RCOR3: variants seen among roughly 807,000 people sequenced by gnomAD.
The protein encoded by RCOR3 is REST corepressor 3.
In RCOR3, 13 loss-of-function variants were observed where a neutral mutation model predicts 64.1. That is an observed-to-expected ratio of 0.20 (90% CI 0.13 to 0.32). The LOEUF is 0.32. Among genes scored for constraint, RCOR3 ranks in the 10% least tolerant of loss-of-function variants. RCOR3 has a pLI of 1.00. For missense variants in RCOR3, 489 were observed against 701.2 expected (o/e 0.70, Z 3.42); for synonymous variants, 215 against 239.0 (o/e 0.90, Z 0.93).
intron 3 of RCOR3, among the ~76,000 whole-genome samples, chr1:211,273,506 A>G (rs1374771837): frequency 6.6e-6 from 1 of 152,250 alleles, no homozygotes; most frequent in African/African-American, 2.4e-5. Flanking sequence ...AGAGTGATTG[A>G]TTATATGGAG....
chr1:211,304,057 T>G lies in RCOR3; in HGVS notation c.1018-26T>G, dbSNP rs11807875. On this transcript the variant is annotated intron_variant, in intron 9 of 11. Coordinates refer to ENST00000419091, the MANE Select transcript of RCOR3 (RefSeq NM_001136223.3). ...AAAATGTCTGTCTTCATATCCTCAT[T>G]AGGAAACTTCTCTTTAATTTTGTAG... The G allele has an allele frequency of 6.1e-4, 948 of 1,564,196 alleles. 12 individuals are homozygous for G. In the African/African-American group the frequency reaches 0.011, roughly 19 times the overall value.
intron 2 of RCOR3, chr1:211,267,993 G>A (rs1438554833): frequency 7.1e-6 from 2 of 281,042 alleles, no homozygotes; most frequent in South Asian, 2.7e-5. Flanking sequence ...TTTCTGTAAG[G>A]CAAGAATGAG....
intron 2 of RCOR3, among the ~76,000 whole-genome samples, chr1:211,270,361 A>G (rs1442283043): frequency 6.6e-6 from 1 of 152,018 alleles, no homozygotes; most frequent in African/African-American, 2.4e-5. Flanking sequence ...CCACACCCAG[A>G]CTTTTATCTT....
At chr1:211,259,962 C>A in intron 1 of RCOR3, 146 bp from the exon 2 acceptor site, 1 of 1,197,428 alleles carries the variant, frequency 8.4e-7, no homozygotes, top group Non-Finnish European at 1.1e-6. Context: ...GCTGCCATCT[C>A]CCGGAGTGCC....
intron 7 of RCOR3, among the ~76,000 whole-genome samples, chr1:211,283,279 G>A (rs1026423958): frequency 2.0e-5 from 3 of 152,222 alleles, no homozygotes; most frequent in Non-Finnish European, 4.4e-5. Flanking sequence ...GCAGGAGAAA[G>A]GGGTGACAAC....
chr1:211,291,765 C>T (rs1475981029), intron 8 of RCOR3, among the ~76,000 whole-genome samples: 1 of 152,200 alleles, frequency 6.6e-6, no homozygotes, highest in Non-Finnish European at 1.5e-5. Context: ...TATTCTCCAA[C>T]CCTTTCTAAT....
Position 211,307,142 on chromosome 1 carries a change from T to G in RCOR3, c.1075+3002T>G, listed in dbSNP as rs184190912. 3.8e-3 allele frequency among the ~76,000 whole-genome samples: 586 copies of G among 152,330 alleles called. 2 individuals are homozygous for G. Among genetic ancestry groups the G allele is most frequent in the Middle Eastern group, 6.8e-3 (2 of 294 alleles). ...TCTAACCTATAATGCTTTTAGAAGT[T>G]ATCCTAAAATCCAACTTGATATTCA... is the stretch of plus-strand genomic sequence containing the variant. On this transcript the variant is annotated intron_variant, in intron 10 of 11. Coordinates refer to ENST00000419091, the MANE Select transcript of RCOR3 (RefSeq NM_001136223.3).
chr1:211,310,358 G>A (rs1400834116), intron 10 of RCOR3, among the ~76,000 whole-genome samples: 1 of 152,176 alleles, frequency 6.6e-6, no homozygotes, highest in Non-Finnish European at 1.5e-5. Flanking sequence ...GAGAACAAAT[G>A]TGCCTAGATA....
chr1:211,286,821 T>C (rs190734970), intron 7 of RCOR3, among the ~76,000 whole-genome samples: 4 of 152,356 alleles, frequency 2.6e-5, no homozygotes, highest in Admixed American at 6.5e-5. Context: ...ATCAAACATA[T>C]AGTCCGTTTT....
intron 10 of RCOR3, among the ~76,000 whole-genome samples, chr1:211,307,100 C>CATAT (rs1700919660): frequency 6.6e-6 from 1 of 152,126 alleles, no homozygotes; most frequent in Non-Finnish European, 1.5e-5. Context: ...GTAGCTTATA[C>CATAT]ATATATACAT....
At chr1:211,272,119 T>C (rs561460259) in intron 3 of RCOR3, among the ~76,000 whole-genome samples, 1 of 152,326 alleles carries the variant, frequency 6.6e-6, no homozygotes, top group Non-Finnish European at 1.5e-5. Flanking sequence ...AATTGAAAAC[T>C]GAGTATGTTT....
In RCOR3 at chr1:211,312,997, T is replaced by TGA; in HGVS notation, c.1317+38_1317+39dup. The TGA allele has an allele frequency of 6.2e-7, 1 of 1,613,228 alleles. No individual in the cohort carries two copies. The highest frequency in any genetic ancestry group is 1.1e-5 in the South Asian group (1 of 91,042). ...GTATGGAATTTGAGCTAATATGAGT[T>TGA]GAGGAATCACCATTTTGTGTGGTAT... On this transcript the variant is annotated intron_variant, in intron 11 of 11. Coordinates refer to ENST00000419091, the MANE Select transcript of RCOR3 (RefSeq NM_001136223.3). This position sits in a 1 kb window ranked among gnomAD's most constrained non-coding sequence, Gnocchi z 5.0.
At chr1:211,267,912 G>A in intron 2 of RCOR3, 1 of 360,796 alleles carries the variant, frequency 2.8e-6, no homozygotes, top group Non-Finnish European at 5.3e-6. Context: ...TACCTTTTAT[G>A]GGGAAAAATT....
intron 7 of RCOR3, among the ~76,000 whole-genome samples, chr1:211,283,444 C>T (rs1313614911): frequency 6.6e-6 from 1 of 152,174 alleles, no homozygotes; most frequent in East Asian, 1.9e-4. Flanking sequence ...TTTTCTATAG[C>T]TGATATACCT....
chr1:211,278,861 T>A (rs2102511235), intron 6 of RCOR3, among the ~76,000 whole-genome samples: 1 of 152,224 alleles, frequency 6.6e-6, no homozygotes, highest in African/African-American at 2.4e-5. Flanking sequence ...GATATATATA[T>A]TACAGTTTGA....
chr1:211,302,749 T>A (rs1700506938), intron 9 of RCOR3: 1 of 152,206 alleles, frequency 6.6e-6, no homozygotes, highest in Admixed American at 6.5e-5. Context: ...GGGCCTTTTT[T>A]ATCCACCTTC....
intron 2 of RCOR3, among the ~76,000 whole-genome samples, chr1:211,260,399 A>G (rs1408228950): frequency 6.6e-6 from 1 of 152,204 alleles, no homozygotes; most frequent in Admixed American, 6.5e-5. Context: ...CGCTGGGGGC[A>G]TCGCCTTCCT....
Position 211,313,980 on chromosome 1 carries a change from C to A in RCOR3, c.*212C>A. 1 of 575,232 alleles carries A rather than the reference C, an allele frequency of 1.7e-6. No homozygotes were observed. Among genetic ancestry groups the A allele is most frequent in the Non-Finnish European group, 3.1e-6 (1 of 325,094 alleles). The allele number at this position is 575,232 out of a possible 1,614,324, so 35.6% of individuals were successfully genotyped here. A position where few individuals can be genotyped will look rare whatever the true frequency, so the allele number is the denominator to read the frequency against. On this transcript the variant is annotated 3_prime_UTR_variant, in exon 12 of 12. Transcript: ENST00000419091. This position sits in a 1 kb window ranked among gnomAD's most constrained non-coding sequence, Gnocchi z 4.7. The stretch of plus-strand genomic sequence containing the variant: ...CAACAAAAAGCCTCCAGTTAGCCTC[C>A]TTTCTAGAGTATATGTTCAGCAATG...
At chr1:211,301,320 A>C (rs1236967683) in intron 9 of RCOR3, 1 of 152,224 alleles carries the variant, frequency 6.6e-6, no homozygotes, top group African/African-American at 2.4e-5. Context: ...CACATCTCCC[A>C]CATCAGCATT....
Sources: allele counts gnomAD v4.1 joint callset (sites outside exome capture counted in the v4.1 genomes callset), GRCh38; gene constraint gnomAD v4.1.1; non-coding constraint Gnocchi (gnomAD v3.1); transcripts MANE v1.5; gene names NCBI Gene and HGNC (gene_info 2026-07-23, HGNC 2026-07-21).